Variants in PEAK1 observed in about 807,000 individuals in gnomAD.
PEAK1 encodes inactive tyrosine-protein kinase PEAK1.
PEAK1 carries 54 observed loss-of-function variants against 124.7 expected under a neutral mutation model. The ratio of observed to expected loss-of-function variants is 0.43; its 90% confidence interval spans 0.35 to 0.54. The LOEUF (loss-of-function observed/expected upper bound fraction) is 0.54, where lower values mean the gene tolerates loss of function less well. PEAK1 is among the 20% of genes least tolerant of loss of function. The probability of loss-of-function intolerance (pLI) is 0.01; values close to 1 mark genes in which losing one functional copy is unlikely to be tolerated. For missense variants in PEAK1, 2,046 were observed against 2,134.5 expected, an observed-to-expected ratio of 0.96 and a Z score of 0.82; for synonymous variants, 719 against 760.0, an observed-to-expected ratio of 0.95 and a Z score of 0.89.
chr15:77,298,790 A>G (rs2063642212), intron 2 of PEAK1, among the ~76,000 whole-genome samples: 1 of 152,132 alleles, frequency 6.6e-6, no homozygotes, highest in Non-Finnish European at 1.5e-5. Flanking sequence ...GTTAATGTAC[A>G]AAATCAAGCT....
intron 1 of PEAK1, among the ~76,000 whole-genome samples, chr15:77,380,917 T>C (rs999448037): frequency 7.0e-4 from 107 of 152,282 alleles, no homozygotes; most frequent in African/African-American, 2.4e-3. Context: ...CACAATCTTT[T>C]AGGAGGGACT....
At chr15:77,123,080 C>A (rs1252034948) in intron 9 of PEAK1, among the ~76,000 whole-genome samples, 1 of 152,140 alleles carries the variant, frequency 6.6e-6, no homozygotes, top group African/African-American at 2.4e-5. Context: ...AGGAAGCAGC[C>A]CCGCTTTTGT....
intron 7 of PEAK1, among the ~76,000 whole-genome samples, chr15:77,174,451 A>G (rs1336066770): frequency 1.3e-5 from 2 of 152,218 alleles, no homozygotes; most frequent in African/African-American, 4.8e-5. Context: ...TTTGATGGTA[A>G]TGTTTTCCTT....
At chr15:77,347,256 A>T in intron 2 of PEAK1, 1 of 985,204 alleles carries the variant, frequency 1.0e-6, no homozygotes, top group Non-Finnish European at 1.2e-6. Context: ...GATAAAAATA[A>T]AACTATGACC....
At chr15:77,382,907 C>T (rs1309949618) in intron 1 of PEAK1, among the ~76,000 whole-genome samples, 1 of 150,830 alleles carries the variant, frequency 6.6e-6, no homozygotes, top group African/African-American at 2.4e-5. Context: ...ACTACTAAAA[C>T]AAAGGAAAAA....
chr15:77,329,463 A>C (rs11632966), intron 2 of PEAK1, among the ~76,000 whole-genome samples: 99,641 of 151,966 alleles, frequency 0.66, 33,607 homozygotes, highest in Non-Finnish European at 0.75. Context: ...TCCACCCTGA[A>C]TTTTAATCCC....
At chr15:77,215,336 CT>C (rs34800988) in intron 6 of PEAK1, among the ~76,000 whole-genome samples, 11,259 of 152,198 alleles carry the variant, frequency 0.074, 548 homozygotes, top group Non-Finnish European at 0.1. Context: ...TGTGGATTGC[CT>C]TTTTAATTGT....
At position 77,370,942 on chromosome 15, in the gene PEAK1, A is replaced by G. The variant is rs767939572; in HGVS notation, c.-665-5717T>C. On this transcript the variant is annotated intron_variant, in intron 1 of 9. Transcript: ENST00000682557. ...CTACTCAGGAGGCTGAGGTAGGAGA[A>G]TCGCTTGAACCCAGGAGGCGGAGGT... 39 of 466,882 alleles carry G rather than the reference A, an allele frequency of 8.4e-5. No individual in the cohort carries two copies. In the Middle Eastern group the frequency reaches 3.2e-3, roughly 38 times the overall value. 28.9% of individuals were successfully genotyped at this position (466,882 alleles called of 1,614,324 possible).
chr15:77,219,352 TGGAG>T (rs1003155414), intron 6 of PEAK1, among the ~76,000 whole-genome samples: 7 of 152,106 alleles, frequency 4.6e-5, no homozygotes, highest in African/African-American at 1.7e-4. Flanking sequence ...TAAAGTTATT[TGGAG>T]GGAGTGTACA....
chr15:77,413,902 C>T (rs987853533), intron 1 of PEAK1, among the ~76,000 whole-genome samples: 3 of 152,156 alleles, frequency 2.0e-5, no homozygotes, highest in Non-Finnish European at 4.4e-5. Context: ...TGGCTCACTA[C>T]AGCCTCTACC....
chr15:77,284,139 A>G, intron 4 of PEAK1, 109 bp from the exon 5 acceptor site: 1 of 451,146 alleles, frequency 2.2e-6, no homozygotes, highest in Non-Finnish European at 2.9e-6. Context: ...AGAGAATGAT[A>G]TTTAACCCAC....
rs775050451 is a variant in PEAK1 at position 77,114,633 on chromosome 15, T to A, written c.4764A>T (p.Lys1588Asn). 6.2e-7 allele frequency: 1 copy of A among 1,613,906 alleles called. No homozygotes were observed. The highest frequency in any genetic ancestry group is 8.5e-7 in the Non-Finnish European group (1 of 1,179,994). ...TGCCTGTCTGGAACTCATCACACTT[T>A]TTATACTGGGTAGCTGTTATGATCT... ...APEIITATQY[K>N]KCDEFQTGIL... Residue 1588 changes from lysine to asparagine, a missense_variant, in exon 10 of 10, where the codon AAA becomes AAT. Coordinates refer to ENST00000682557, the MANE Select transcript of PEAK1 (RefSeq NM_001385026.1).
chr15:77,418,732 AC>A, intron 1 of PEAK1: 1 of 985,298 alleles, frequency 1.0e-6, no homozygotes, highest in African/African-American at 1.7e-5. Context: ...GGAAAGTTTT[AC>A]CCCGGTGGAT....
chr15:77,143,770 A>C (rs1229557554), intron 8 of PEAK1, among the ~76,000 whole-genome samples: 1 of 152,172 alleles, frequency 6.6e-6, no homozygotes, highest in Admixed American at 6.5e-5. Context: ...TTTCTCTGTA[A>C]GCACTTACAA....
intron 1 of PEAK1, among the ~76,000 whole-genome samples, chr15:77,391,818 A>T (rs1187210602): frequency 6.6e-6 from 1 of 152,226 alleles, no homozygotes; most frequent in African/African-American, 2.4e-5. Context: ...AAACAAGCTA[A>T]AGAGTTCTCT....
At chr15:77,374,454 T>C (rs1298643158) in intron 1 of PEAK1, among the ~76,000 whole-genome samples, 1 of 152,138 alleles carries the variant, frequency 6.6e-6, no homozygotes, top group Non-Finnish European at 1.5e-5. Context: ...ATCAATAAAA[T>C]ATATATCACA....
At chr15:77,347,444 T>C (rs2066933013) in intron 2 of PEAK1, 1 of 985,238 alleles carries the variant, frequency 1.0e-6, no homozygotes, top group African/African-American at 1.7e-5. Flanking sequence ...AAAGCAATAT[T>C]GTTCTAGATA....
intron 2 of PEAK1, among the ~76,000 whole-genome samples, chr15:77,314,638 G>C (rs1450070583): frequency 6.6e-6 from 1 of 152,092 alleles, no homozygotes. Flanking sequence ...AAAGTGCTGA[G>C]ATTACACATG....
intron 6 of PEAK1, among the ~76,000 whole-genome samples, chr15:77,214,634 A>G (rs1339811533): frequency 7.2e-5 from 11 of 151,928 alleles, no homozygotes; most frequent in Non-Finnish European, 1.0e-4. Context: ...CAAAAAAAAA[A>G]AAAAGAAAAG....
Sources: allele counts gnomAD v4.1 joint callset (sites outside exome capture counted in the v4.1 genomes callset), GRCh38; gene constraint gnomAD v4.1.1; transcripts MANE v1.5; gene names NCBI Gene and HGNC (gene_info 2026-07-23, HGNC 2026-07-21).